Variants in TMEM260 observed in about 807,000 individuals in gnomAD.
TMEM260 encodes transmembrane protein 260, also known as protein O-mannosyl-transferase TMEM260.
In TMEM260, 82 loss-of-function variants were observed where a neutral mutation model predicts 88.9. That is an observed-to-expected ratio of 0.92 (90% confidence interval 0.77 to 1.11). TMEM260 has a LOEUF of 1.11. Among genes scored for constraint, TMEM260 ranks in the 50% least tolerant of loss-of-function variants. TMEM260 has a pLI of 0.00. For synonymous variants in TMEM260, 314 were observed against 309.3 expected (o/e 1.02, Z -0.16); for missense variants, 902 against 853.4 (o/e 1.06, Z -0.71).
the TMEM260 span, among the ~76,000 whole-genome samples, chr14:56,657,689 G>A: frequency 4.9e-3 from 741 of 152,270 alleles, 7 homozygotes; most frequent in African/African-American, 0.016. Flanking sequence ...TGTTGCTTAC[G>A]AAATGTTTAC....
chr14:56,647,292 A>G lies in TMEM260; in HGVS notation c.1919A>G (p.His640Arg), dbSNP rs754705025. ...CAAAAGGAGCACCCAGTGAATTGGC[A>G]CAAGAACTATGCCATCGCCTGTGAG... is the stretch of plus-strand genomic sequence containing the variant. Reference protein sequence around the residue: ...YLQKEHPVNWHKNYAIACERM... With the variant: ...YLQKEHPVNWRKNYAIACERM... Residue 640 changes from histidine (H) to arginine (R), a missense_variant, in exon 16 of 16, where the codon CAC becomes CGC. By Grantham distance (29) the His-to-Arg change is conservative (BLOSUM62 0). Transcript: ENST00000261556. 2 of 1,614,082 alleles carry G rather than the reference A, an allele frequency of 1.2e-6. No individual in the cohort carries two copies. The highest frequency in any genetic ancestry group is 1.7e-6 in the Non-Finnish European group (2 of 1,180,046).
At chr14:56,640,251 G>A (rs986062663) in intron 15 of TMEM260, among the ~76,000 whole-genome samples, 1 of 152,190 alleles carries the variant, frequency 6.6e-6, no homozygotes, top group Non-Finnish European at 1.5e-5. Flanking sequence ...CCTCCCAGTA[G>A]GGGTGGACTG....
intron 12 of TMEM260, among the ~76,000 whole-genome samples, chr14:56,628,506 C>T (rs1888376191): frequency 6.6e-6 from 1 of 152,032 alleles, no homozygotes; most frequent in South Asian, 2.1e-4. Flanking sequence ...CTCATGTTTT[C>T]TTCTATGAGT....
At chr14:56,650,294 C>T, downstream of TMEM260, 1 of 321,772 alleles carries the variant, frequency 3.1e-6, no homozygotes, top group South Asian at 2.5e-5. Context: ...CTGTCTGACT[C>T]TCCACATGCG....
chr14:56,640,299 T>C (rs1042975304), intron 15 of TMEM260, among the ~76,000 whole-genome samples: 7 of 151,796 alleles, frequency 4.6e-5, no homozygotes, highest in African/African-American at 1.7e-4. Flanking sequence ...GAGACAAAAC[T>C]TCCAGAGGGA....
At chr14:56,598,920 G>A (rs1186214461) in intron 3 of TMEM260, among the ~76,000 whole-genome samples, 1 of 152,172 alleles carries the variant, frequency 6.6e-6, no homozygotes, top group Non-Finnish European at 1.5e-5. Context: ...AGGATTTTGA[G>A]AAAAGCTTTT....
intron 13 of TMEM260, among the ~76,000 whole-genome samples, chr14:56,634,152 G>A (rs1279996741): frequency 6.6e-6 from 1 of 152,160 alleles, no homozygotes; most frequent in Non-Finnish European, 1.5e-5. Flanking sequence ...CTTGGCCATT[G>A]TTCTTTGAGC....
At chr14:56,604,894 G>A (rs1687546037) in intron 4 of TMEM260, among the ~76,000 whole-genome samples, 1 of 152,214 alleles carries the variant, frequency 6.6e-6, no homozygotes, top group Non-Finnish European at 1.5e-5. Context: ...AGATTTGACT[G>A]AATTCTTGCT....
At position 56,636,586 on chromosome 14, in the gene TMEM260, T is replaced by A; in HGVS notation, c.1857T>A (p.Ala619=). The change falls in exon 15 of 16, where the codon GCT becomes GCA. Residue 619 remains alanine, a synonymous_variant. Transcript: ENST00000261556. ...MPSKVKAQLY[A]QAYDLYKEIV... is the part of the protein sequence containing the mutation. ...CAAAAGTGAAAGCTCAACTCTACGC[T>A]CAAGCATATGACGTATGTTACACTT... 6.2e-7 allele frequency: 1 copy of A among 1,613,864 alleles called. No individual in the cohort carries two copies. Among genetic ancestry groups the A allele is most frequent in the Non-Finnish European group, 8.5e-7 (1 of 1,179,786 alleles).
At chr14:56,610,967 C>T (rs112298153) in intron 6 of TMEM260, among the ~76,000 whole-genome samples, 8,604 of 117,948 alleles carry the variant, frequency 0.073, 999 homozygotes, top group African/African-American at 0.25. Context: ...TTCTTTCTTT[C>T]TTTTTTTTTT....
chr14:56,585,490 C>T (rs1885433843), intron 2 of TMEM260, among the ~76,000 whole-genome samples: 1 of 151,902 alleles, frequency 6.6e-6, no homozygotes, highest in African/African-American at 2.4e-5. Flanking sequence ...ACTGTGAACC[C>T]AGAGAACAAA....
intron 12 of TMEM260, among the ~76,000 whole-genome samples, chr14:56,626,431 T>C (rs1458593953): frequency 6.6e-6 from 1 of 152,186 alleles, no homozygotes; most frequent in Non-Finnish European, 1.5e-5. Flanking sequence ...ACTGAATGTC[T>C]ACTATGTTAC....
the TMEM260 span, among the ~76,000 whole-genome samples, chr14:56,656,602 C>G: frequency 6.6e-6 from 1 of 152,072 alleles, no homozygotes; most frequent in African/African-American, 2.4e-5. Context: ...ATTAATATGT[C>G]AGTAAAAACA....
At chr14:56,613,890 C>G (rs1255700499) in intron 7 of TMEM260, 1 of 123,434 alleles carries the variant, frequency 8.1e-6, no homozygotes, top group African/African-American at 3.4e-5. Flanking sequence ...TGAGACCCGT[C>G]TCTGCAAAAA....
intron 15 of TMEM260, among the ~76,000 whole-genome samples, chr14:56,644,002 A>G (rs1225966033): frequency 2.0e-5 from 3 of 152,168 alleles, no homozygotes; most frequent in Non-Finnish European, 2.9e-5. Context: ...CAAGGAAATA[A>G]AAGAGGATAC....
chr14:56,585,871 T>A lies in TMEM260; in HGVS notation c.303T>A (p.Phe101Leu). Residue 101 changes from phenylalanine (F) to leucine (L), a missense_variant, in exon 3 of 16, where the codon TTT (phenylalanine) becomes TTA (leucine). Transcript: ENST00000261556. ...AYRVNLLCGLFGAVAASLLFF... is the reference protein window; with the variant it reads ...AYRVNLLCGLLGAVAASLLFF... ...GCGTCAATCTTCTCTGTGGCTTATT[T>A]GGAGCAGTAGCTGCATCATTACTTT... 1.2e-6 allele frequency: 2 copies of A among 1,613,622 alleles called. No homozygotes were observed. The highest frequency in any genetic ancestry group is 1.7e-6 in the Non-Finnish European group (2 of 1,179,696).
At chr14:56,583,116 CA>C (rs1203034905) in intron 1 of TMEM260, among the ~76,000 whole-genome samples, 3 of 152,050 alleles carry the variant, frequency 2.0e-5, no homozygotes, top group Non-Finnish European at 4.4e-5. Flanking sequence ...GGCTTCGTTA[CA>C]AAAAGATTAC....
chr14:56,629,144 C>T (rs1888420163), intron 12 of TMEM260, among the ~76,000 whole-genome samples: 1 of 152,006 alleles, frequency 6.6e-6, no homozygotes, highest in Admixed American at 6.6e-5. Flanking sequence ...GATCCATCTG[C>T]CTTGGCCTCC....
At chr14:56,594,871 C>CA (rs1566532917) in intron 3 of TMEM260, among the ~76,000 whole-genome samples, 2 of 151,960 alleles carry the variant, frequency 1.3e-5, no homozygotes, top group Non-Finnish European at 2.9e-5. Flanking sequence ...ATAACTCTGC[C>CA]AAAAAAATTT....
Sources: gnomAD v4.1 joint callset for allele counts (sites outside exome capture counted in the v4.1 genomes callset) on GRCh38, gnomAD v4.1.1 for gene constraint, MANE v1.5 for transcripts, NCBI Gene and HGNC (gene_info 2026-07-23, HGNC 2026-07-21) for gene names.